The following CEP126 variants were observed in gnomAD, a reference collection of about 807,000 sequenced individuals.
CEP126 encodes centrosomal protein of 126 kDa.
Under a neutral mutation model 107.8 loss-of-function variants are expected in CEP126, and 74 were observed. The ratio of observed to expected loss-of-function variants is 0.69; its 90% CI spans 0.57 to 0.83. The LOEUF (loss-of-function observed/expected upper bound fraction) is 0.83. Ranked by LOEUF, CEP126 falls within the 40% of genes least tolerant of loss-of-function variation. The pLI, the probability that CEP126 is intolerant of heterozygous loss-of-function variation, is 0.00. For synonymous variants in CEP126, 449 were observed against 446.0 expected (o/e 1.01, Z -0.08); for missense variants, 1,237 against 1,281.9 (o/e 0.96, Z 0.53).
intron 9 of CEP126, among the ~76,000 whole-genome samples, chr11:101,992,283 C>T (rs1941394562): frequency 6.6e-6 from 1 of 151,876 alleles, no homozygotes; most frequent in South Asian, 2.1e-4. Flanking sequence ...TTGTTTGATA[C>T]TTCTACATAT....
At chr11:101,964,309 AAAAG>A (rs1338603762) in intron 6 of CEP126, among the ~76,000 whole-genome samples, 11 of 150,932 alleles carry the variant, frequency 7.3e-5, no homozygotes, top group African/African-American at 9.7e-5. Context: ...CTGAAAAAAA[AAAAG>A]AAAGAAGTAA....
intron 5 of CEP126, among the ~76,000 whole-genome samples, chr11:101,960,144 G>T (rs963179670): frequency 1.0e-4 from 15 of 148,240 alleles, no homozygotes; most frequent in African/African-American, 3.3e-4. Context: ...TATGTTACAT[G>T]CAGGGCAATA....
intron 9 of CEP126, 72 bp downstream of exon 9, chr11:101,987,113 T>A: frequency 9.0e-7 from 1 of 1,115,340 alleles, no homozygotes; most frequent in Non-Finnish European, 1.3e-6. Context: ...TAAACTTTAA[T>A]TTAAAAATTG....
intron 2 of CEP126, among the ~76,000 whole-genome samples, chr11:101,940,213 G>T (rs1473206351): frequency 1.3e-5 from 2 of 152,204 alleles, no homozygotes; most frequent in African/African-American, 2.4e-5. Flanking sequence ...GTTGGCAGTT[G>T]CAGTGCGCTG....
At position 101,918,397 on chromosome 11, in the gene CEP126, G is replaced by A. The variant is rs1036839320; in HGVS notation, c.128+2985G>A. ...TGCGAGGTGGAGGTTGCAGTGAGCC[G>A]AGATTATGCCACTGCACTCCAGCCT... On this transcript the variant is annotated intron_variant, in intron 1 of 10. Coordinates refer to ENST00000263468, the MANE Select transcript of CEP126 (RefSeq NM_020802.4). Among the ~76,000 whole-genome samples the A allele has an allele frequency of 7.2e-5, 11 of 152,082 alleles. No homozygotes were observed. In the East Asian group the frequency reaches 1.7e-3, roughly 24 times the overall value.
At chr11:101,977,355 G>A (rs1196629568) in intron 6 of CEP126, among the ~76,000 whole-genome samples, 3 of 152,030 alleles carry the variant, frequency 2.0e-5, no homozygotes, top group East Asian at 1.9e-4. Flanking sequence ...AGAAAAGGCC[G>A]GGTGCAGTGG....
chr11:101,985,000 T>C (rs1264924768), intron 8 of CEP126, among the ~76,000 whole-genome samples: 1 of 152,212 alleles, frequency 6.6e-6, no homozygotes, highest in Admixed American at 6.5e-5. Flanking sequence ...AACACATTAT[T>C]TTCTGACAGT....
intron 7 of CEP126, 103 bp downstream of exon 7, chr11:101,978,562 A>G (rs762500753): frequency 4.4e-5 from 30 of 687,152 alleles, no homozygotes; most frequent in Non-Finnish European, 7.5e-5. Context: ...GTATACCACA[A>G]CATAAATATA....
intron 4 of CEP126, chr11:101,955,887 A>G (rs1193433676): frequency 4.4e-6 from 2 of 456,166 alleles, no homozygotes; most frequent in Admixed American, 2.4e-5. Flanking sequence ...CACCACTTCC[A>G]AATTCTTCCT....
Position 101,915,615 on chromosome 11 carries a change from C to G in CEP126, c.128+203C>G, listed in dbSNP as rs183433186. ...TATCTAATTCTGTGGCTGCTTCCCC[C>G]CATCACCCTGTTATCCTACTCCCAT... On this transcript the variant is annotated intron_variant, in intron 1 of 10. Coordinates refer to ENST00000263468, the MANE Select transcript of CEP126 (RefSeq NM_020802.4). Among the ~76,000 whole-genome samples the G allele has an allele frequency of 4.1e-3, 630 of 152,264 alleles. 5 individuals are homozygous for G. The highest frequency in any genetic ancestry group is 0.015 in the African/African-American group (608 of 41,552).
intron 4 of CEP126, among the ~76,000 whole-genome samples, chr11:101,952,305 T>G (rs1300508290): frequency 6.6e-6 from 1 of 152,190 alleles, no homozygotes; most frequent in African/African-American, 2.4e-5. Flanking sequence ...GGTAAGGAGT[T>G]TGTTTTAAAA....
In CEP126 at chr11:101,944,375, G is replaced by T; in HGVS notation, c.359G>T (p.Arg120Leu). 1 of 1,611,394 alleles carries T rather than the reference G, an allele frequency of 6.2e-7. No individual in the cohort carries two copies. The highest frequency in any genetic ancestry group is 8.5e-7 in the Non-Finnish European group (1 of 1,178,982). ...KFEEVTEKFQ[R>L]AHVPLSQRRK... ...GAAGAAGTTACTGAAAAATTCCAGC[G>T]TGCCCATGTTCCTCTTTCACAGCGG... Residue 120 changes from arginine (R) to leucine (L), a missense_variant, in exon 3 of 11, where the codon CGT becomes CTT. By Grantham distance (102) the Arg-to-Leu change is moderately radical (BLOSUM62 -2). Around this residue, in one of 3 missense-constraint regions of CEP126, gnomAD observed 1,134 missense variants for 1,150.5 expected, o/e 0.99. Coordinates refer to ENST00000263468, the MANE Select transcript of CEP126 (RefSeq NM_020802.4).
At chr11:101,925,816 G>A (rs1305797598) in intron 2 of CEP126, among the ~76,000 whole-genome samples, 3 of 140,892 alleles carry the variant, frequency 2.1e-5, no homozygotes, top group African/African-American at 8.1e-5. Flanking sequence ...CACCATGCCC[G>A]GCTAATTTTT....
intron 10 of CEP126, among the ~76,000 whole-genome samples, chr11:101,996,302 C>T (rs752062117): frequency 3.3e-5 from 5 of 152,180 alleles, no homozygotes; most frequent in Non-Finnish European, 7.4e-5. Flanking sequence ...ATCAGATTTC[C>T]CTGCAAGCTT....
At chr11:101,980,106 C>T (rs1334433342) in intron 7 of CEP126, among the ~76,000 whole-genome samples, 1 of 152,092 alleles carries the variant, frequency 6.6e-6, no homozygotes, top group Non-Finnish European at 1.5e-5. Flanking sequence ...ATCAGCAAAA[C>T]AAGTCATTTA....
At chr11:101,933,724 C>G (rs1013739447) in intron 2 of CEP126, among the ~76,000 whole-genome samples, 3 of 151,958 alleles carry the variant, frequency 2.0e-5, no homozygotes, top group African/African-American at 4.8e-5. Flanking sequence ...TAGTATCCCT[C>G]TATCCGAAAT....
chr11:101,967,765 ATAT>A (rs1009461734), intron 6 of CEP126, among the ~76,000 whole-genome samples: 7 of 152,254 alleles, frequency 4.6e-5, no homozygotes, highest in Non-Finnish European at 1.0e-4. Context: ...ATGTAAAACA[ATAT>A]TATGGCTAAT....
intron 9 of CEP126, among the ~76,000 whole-genome samples, chr11:101,991,918 G>A (rs1464308845): frequency 6.6e-6 from 1 of 152,096 alleles, no homozygotes; most frequent in Non-Finnish European, 1.5e-5. Context: ...CAATTAATAT[G>A]TGCTAAAATC....
At chr11:101,927,117 C>A (rs1940424087) in intron 2 of CEP126, among the ~76,000 whole-genome samples, 2 of 152,156 alleles carry the variant, frequency 1.3e-5, no homozygotes, top group Admixed American at 6.5e-5. Flanking sequence ...GCCTGGCCAA[C>A]CTGGTGAAAC....
Sources: gnomAD v4.1 joint callset for allele counts (sites outside exome capture counted in the v4.1 genomes callset) on GRCh38, gnomAD v4.1.1 for gene constraint, gnomAD v4.1.1 regional missense constraint, MANE v1.5 for transcripts, NCBI Gene and HGNC (gene_info 2026-07-23, HGNC 2026-07-21) for gene names.